Variants in SEPTIN6 observed in about 807,000 individuals in gnomAD.
SEPTIN6 encodes the protein septin-6.
A neutral mutation model predicts 33.6 loss-of-function variants in SEPTIN6; 8 were observed. The ratio of observed to expected loss-of-function variants is 0.24; its 90% confidence interval spans 0.14 to 0.43. The LOEUF is 0.43. Ranked by LOEUF, SEPTIN6 falls within the 20% of genes least tolerant of loss-of-function variation. The pLI, the probability that SEPTIN6 is intolerant of heterozygous loss-of-function variation, is 1.00. For synonymous variants in SEPTIN6, 131 were observed against 140.0 expected, an observed-to-expected ratio of 0.94 and a Z score of 0.45; for missense variants, 250 against 340.8, an observed-to-expected ratio of 0.73 and a Z score of 2.10.
chrX:119,649,487 TAAA>T (rs550577767), intron 5 of SEPTIN6, among the ~76,000 whole-genome samples: 2 of 81,122 alleles, frequency 2.5e-5, no homozygotes, highest in Non-Finnish European at 2.3e-5. Context: ...GATCCTGTCT[TAAA>T]AAAAAAAAAA....
chrX:119,686,487 C>T (rs1331913995), intron 1 of SEPTIN6: 4 of 549,351 alleles, frequency 7.3e-6, no homozygotes, highest in Non-Finnish European at 1.1e-5. Flanking sequence ...CGGCTGAGAG[C>T]GCGCTGCATA....
At position 119,633,541 on chromosome X, in the gene SEPTIN6, T is replaced by G. The variant is rs1204889787; in HGVS notation, c.957-49A>C. 3 of 1,149,496 alleles carry G rather than the reference T, an allele frequency of 2.6e-6. No homozygotes were observed. In the Admixed American group the frequency reaches 7.8e-5, roughly 30 times the overall value. 94.7% of individuals were successfully genotyped at this position (1,149,496 alleles called of 1,213,427 possible). ...CTTCTTCCTTTGGAATGATTCCTATTTGATAAAACTGGCCCCAAAGATCCT... is the reference window on the plus strand; with the variant it reads ...CTTCTTCCTTTGGAATGATTCCTATGTGATAAAACTGGCCCCAAAGATCCT... On this transcript the variant is annotated intron_variant, in intron 7 of 10. Transcript: ENST00000394610.
At chrX:119,690,342 T>TACACACACACACAC (rs370055006) in intron 1 of SEPTIN6, among the ~76,000 whole-genome samples, 2 of 69,376 alleles carry the variant, frequency 2.9e-5, no homozygotes, top group African/African-American at 1.7e-4. Flanking sequence ...CCCACATACA[T>TACACACACACACAC]ACACATACAC....
intron 5 of SEPTIN6, among the ~76,000 whole-genome samples, chrX:119,648,321 AG>A (rs770023484): frequency 1.1e-4 from 12 of 111,069 alleles, no homozygotes; most frequent in Non-Finnish European, 1.7e-4. Flanking sequence ...TTGATGACTT[AG>A]GGCATCAGTG....
chrX:119,639,538 G>T (rs2054118514), intron 6 of SEPTIN6, among the ~76,000 whole-genome samples: 1 of 111,880 alleles, frequency 8.9e-6, no homozygotes, highest in South Asian at 3.7e-4. Context: ...ACAATTTAAA[G>T]AATTTTTGAA....
chrX:119,652,831 G>A (rs1158055588), intron 4 of SEPTIN6, 23 bp downstream of exon 4: 2 of 1,188,290 alleles, frequency 1.7e-6, no homozygotes, highest in Admixed American at 2.2e-5. Context: ...AGCCCCCAGC[G>A]CCCCCGCCCC....
chrX:119,622,383 G>C (rs999536965), intron 10 of SEPTIN6, among the ~76,000 whole-genome samples: 1 of 111,798 alleles, frequency 8.9e-6, no homozygotes, highest in Admixed American at 9.5e-5. Context: ...CTGCATTCTA[G>C]GTGGCCTTCG....
At chrX:119,666,064 A>C (rs2054631525) in intron 2 of SEPTIN6, among the ~76,000 whole-genome samples, 1 of 102,667 alleles carries the variant, frequency 9.7e-6, no homozygotes, top group Non-Finnish European at 2.0e-5. Context: ...CCTGGGCGAC[A>C]GAGTGAGACT....
intron 2 of SEPTIN6, among the ~76,000 whole-genome samples, chrX:119,668,312 C>CAGAG (rs761569775): frequency 1.6e-3 from 129 of 79,761 alleles, no homozygotes; most frequent in African/African-American, 6.9e-3. Flanking sequence ...AAAGGAAAGA[C>CAGAG]AGAGAGAGAG....
chrX:119,649,837 C>T, intron 5 of SEPTIN6, 100 bp downstream of exon 5: 2 of 920,761 alleles, frequency 2.2e-6, no homozygotes, highest in Non-Finnish European at 3.1e-6. Context: ...CACCACTGCA[C>T]TCCAGCCTGG....
At chrX:119,692,303 A>G (rs181471785) in intron 1 of SEPTIN6, among the ~76,000 whole-genome samples, 6 of 108,575 alleles carry the variant, frequency 5.5e-5, no homozygotes, top group Middle Eastern at 4.7e-3. Context: ...ATACGCAGCC[A>G]GCCACCTACA....
At chrX:119,654,844 C>G (rs900128291) in intron 3 of SEPTIN6, among the ~76,000 whole-genome samples, 4 of 111,586 alleles carry the variant, frequency 3.6e-5, no homozygotes, top group Admixed American at 1.9e-4. Flanking sequence ...TCCCTCCGAG[C>G]CACTGTTCCG....
At chrX:119,653,747 T>G (rs769017463) in intron 3 of SEPTIN6, among the ~76,000 whole-genome samples, 1 of 112,530 alleles carries the variant, frequency 8.9e-6, no homozygotes, top group Admixed American at 9.4e-5. Context: ...GATATTTTTC[T>G]GATTCTCATT....
At chrX:119,641,446 A>C (rs1414867079) in intron 5 of SEPTIN6, among the ~76,000 whole-genome samples, 1 of 112,266 alleles carries the variant, frequency 8.9e-6, no homozygotes, top group Non-Finnish European at 1.9e-5. Flanking sequence ...AGGAGCTTAC[A>C]GTCTTGTTGA....
chrX:119,686,659 A>C (rs2055061327), intron 1 of SEPTIN6: 3 of 922,769 alleles, frequency 3.3e-6, no homozygotes, highest in Non-Finnish European at 4.2e-6. Context: ...ACTGAGGAGG[A>C]AGGGTCTGTG....
rs3747451 is a variant in SEPTIN6, at chrX:119,636,788, G to A, written c.956+239C>T. ...TCCTCTGGGCATCCTCCCTTCCCTT[G>A]CCCTTAAAAGCAAGGCGGCGGTACT... On this transcript the variant is annotated intron_variant, in intron 7 of 10. Coordinates refer to ENST00000394610, the MANE Select transcript of SEPTIN6 (RefSeq NM_145799.4). Among the ~76,000 whole-genome samples the A allele has an allele frequency of 2.2e-3, 250 of 111,201 alleles. 3 individuals carry two copies. In the East Asian group the frequency reaches 0.058, roughly 26 times the overall value.
rs757107319 is a variant in SEPTIN6 at position 119,680,452 on chromosome X, G to A, written c.31-4784C>T. Among the ~76,000 whole-genome samples, 3 of 107,107 alleles carry A rather than the reference G, an allele frequency of 2.8e-5. No homozygotes were observed. The East Asian group carries it at 8.9e-4, about 32-fold the overall frequency. The allele number at this position is 107,107 out of a possible 115,157, so 93.0% of individuals were successfully genotyped here. ...TTGAACTCCTGACCTCAAATGATCC[G>A]GCCACCTCGGCCTCCCAAAGTGCTG... On this transcript the variant is annotated intron_variant, in intron 1 of 10. Coordinates refer to ENST00000394610, the MANE Select transcript of SEPTIN6 (RefSeq NM_145799.4).
At chrX:119,668,371 T>C (rs767295164) in intron 2 of SEPTIN6, among the ~76,000 whole-genome samples, 3 of 111,768 alleles carry the variant, frequency 2.7e-5, no homozygotes, top group Non-Finnish European at 3.8e-5. Context: ...AAAAGACTTC[T>C]AGCCAGGTTA....
Position 119,625,342 on chromosome X carries a change from C to G in SEPTIN6, c.*34G>C. ...AGAGTTAATCAAGCTTACCAGGACC[C>G]TGGGTCTCATGCAGCATGCAGCAAA... On this transcript the variant is annotated 3_prime_UTR_variant, in exon 10 of 11. Transcript: ENST00000394610. 2 of 1,204,276 alleles carry G rather than the reference C, an allele frequency of 1.7e-6. No homozygotes were observed. Among genetic ancestry groups the G allele is most frequent in the Non-Finnish European group, 2.3e-6 (2 of 888,825 alleles).
Sources: allele counts gnomAD v4.1 joint callset (sites outside exome capture counted in the v4.1 genomes callset), GRCh38; gene constraint gnomAD v4.1.1; transcripts MANE v1.5; gene names NCBI Gene and HGNC (gene_info 2026-07-23, HGNC 2026-07-21).